The following P4HA2 variants were observed in gnomAD, a reference collection of about 807,000 sequenced individuals.
The protein encoded by P4HA2 is prolyl 4-hydroxylase subunit alpha 2.
In P4HA2, 46 loss-of-function variants were observed where a neutral mutation model predicts 76.9. That is an observed-to-expected ratio of 0.60 (90% CI 0.47 to 0.76). P4HA2 has a LOEUF of 0.76. Ranked by LOEUF, P4HA2 falls within the 30% of genes least tolerant of loss-of-function variation. The probability of loss-of-function intolerance (pLI) is 0.00; values close to 1 mark genes in which losing one functional copy is unlikely to be tolerated. For synonymous variants in P4HA2, 243 were observed against 254.0 expected, an observed-to-expected ratio of 0.96 and a Z score of 0.41; for missense variants, 583 against 669.4, an observed-to-expected ratio of 0.87 and a Z score of 1.42.
rs1561493902 is a variant in P4HA2, at chr5:132,217,855, G to C, written c.83-7C>G. ...ATCAGGTCAGTCATGTGCCCTGCAA[G>C]GGAGAGAAGAAAGACACCAGTGAGA... On this transcript the variant is annotated splice_polypyrimidine_tract_variant and splice_region_variant and intron_variant, in intron 2 of 14. Coordinates refer to ENST00000360568, the MANE Select transcript of P4HA2 (RefSeq NM_001017974.2). 1 of 1,576,830 alleles carries C rather than the reference G, an allele frequency of 6.3e-7. No homozygotes were observed. The highest frequency in any genetic ancestry group is 1.1e-5 in the South Asian group (1 of 88,818).
chr5:132,200,865 G>C (rs1007192064), intron 10 of P4HA2: 10 of 152,212 alleles, frequency 6.6e-5, no homozygotes, highest in Admixed American at 6.5e-4. Context: ...GCGAGAGCTG[G>C]CTCATCTTTT....
rs200362231 is a variant in P4HA2, at chr5:132,217,386, C to T, written c.180-38G>A. 100 of 1,607,654 alleles carry T rather than the reference C, an allele frequency of 6.2e-5. 1 individual carries two copies. Among genetic ancestry groups the T allele is most frequent in the Admixed American group, 1.5e-4 (9 of 59,892 alleles). ...AGGAAAAGGAAGACTAATGCGTCCACCCACATAGGTCTTGACCTGTGACAA... is the reference window on the plus strand; with the variant it reads ...AGGAAAAGGAAGACTAATGCGTCCATCCACATAGGTCTTGACCTGTGACAA... On this transcript the variant is annotated intron_variant, in intron 3 of 14. Coordinates refer to ENST00000360568, the MANE Select transcript of P4HA2 (RefSeq NM_001017974.2).
At chr5:132,225,814 T>C (rs887064519) in intron 1 of P4HA2, among the ~76,000 whole-genome samples, 8 of 152,314 alleles carry the variant, frequency 5.3e-5, no homozygotes, top group Non-Finnish European at 8.8e-5. Context: ...GCCTATCACA[T>C]GCCACAGACA....
At chr5:132,199,081 C>A in intron 10 of P4HA2, 149 bp from the exon 11 acceptor site, 2 of 633,410 alleles carry the variant, frequency 3.2e-6, no homozygotes, top group Non-Finnish European at 5.8e-6. Context: ...CATGCCCTGG[C>A]AGCACAGGCA....
chr5:132,222,388 A>C (rs1485872540), intron 1 of P4HA2, among the ~76,000 whole-genome samples: 1 of 152,010 alleles, frequency 6.6e-6, no homozygotes, highest in Non-Finnish European at 1.5e-5. Flanking sequence ...TATGGGGGGT[A>C]CCCTACTCTC....
At chr5:132,224,071 C>T (rs1253107668) in intron 1 of P4HA2, among the ~76,000 whole-genome samples, 1 of 152,212 alleles carries the variant, frequency 6.6e-6, no homozygotes, top group African/African-American at 2.4e-5. Flanking sequence ...GGGAGGAACG[C>T]AACATGGACC....
intron 2 of P4HA2, among the ~76,000 whole-genome samples, 155 bp downstream of exon 2, chr5:132,218,390 G>A (rs570734180): frequency 6.6e-6 from 1 of 152,284 alleles, no homozygotes; most frequent in South Asian, 2.1e-4. Context: ...ATCTTATAGG[G>A]GAAAACAGCA....
rs912561464 is a variant in P4HA2 at position 132,213,822 on chromosome 5, C to T, written c.469+94G>A. 3.2e-5 allele frequency: 38 copies of T among 1,203,374 alleles called. No individual in the cohort carries two copies. The African/African-American group carries it at 3.3e-4, about 11-fold the overall frequency. The allele number at this position is 1,203,374 out of a possible 1,614,324, so 74.5% of individuals were successfully genotyped here. A position where few individuals can be genotyped will look rare whatever the true frequency, so the allele number is the denominator to read the frequency against. ...CCAAGAGGTGCACCAGAGGTGCACC[C>T]GAGGTTAAAGGCCACAAGTTGGTGG... On this transcript the variant is annotated intron_variant, in intron 5 of 14. Transcript: ENST00000360568.
At position 132,213,959 on chromosome 5, in the gene P4HA2, T is replaced by C. The variant is rs1359746466; in HGVS notation, c.426A>G (p.Thr142=). 1.9e-6 allele frequency: 3 copies of C among 1,614,036 alleles called. No individual in the cohort carries two copies. Among genetic ancestry groups the C allele is most frequent in the African/African-American group, 1.3e-5 (1 of 74,954 alleles). Residue 142 remains threonine (T), a synonymous_variant, in exon 5 of 15, where the codon ACA becomes ACG. Transcript: ENST00000360568. ...AAATTGTGCCTGGGTCCAGCCTGTA[T>C]GTGTCCTGAAGTCTCATCAGGGCTT... ...AAKALMRLQD[T]YRLDPGTISR... is the part of the protein sequence containing the mutation.
chr5:132,191,104 G>C lies in P4HA2; in HGVS notation c.*1906C>G, dbSNP rs976795492. ...GCATCTTCTTGCTGTGTGTTCGCATGGCAGAAAGAGGGCTGGGATCTCTTC... is the reference window on the plus strand; with the variant it reads ...GCATCTTCTTGCTGTGTGTTCGCATCGCAGAAAGAGGGCTGGGATCTCTTC... On this transcript the variant is annotated 3_prime_UTR_variant, in exon 15 of 15. Coordinates refer to ENST00000360568, the MANE Select transcript of P4HA2 (RefSeq NM_001017974.2). 4.6e-5 allele frequency among the ~76,000 whole-genome samples: 7 copies of C among 152,300 alleles called. No homozygotes were observed. Among genetic ancestry groups the C allele is most frequent in the Middle Eastern group, 6.8e-3 (2 of 294 alleles).
chr5:132,199,260 G>A (rs1348047838), intron 10 of P4HA2, among the ~76,000 whole-genome samples: 1 of 152,244 alleles, frequency 6.6e-6, no homozygotes, highest in African/African-American at 2.4e-5. Context: ...CTTGAGGCGG[G>A]CCCTGGCCTG....
At position 132,191,111 on chromosome 5, in the gene P4HA2, A is replaced by G. The variant is rs921865689; in HGVS notation, c.*1899T>C. On this transcript the variant is annotated 3_prime_UTR_variant, in exon 15 of 15. Coordinates refer to ENST00000360568, the MANE Select transcript of P4HA2 (RefSeq NM_001017974.2). ...CTTGCTGTGTGTTCGCATGGCAGAA[A>G]GAGGGCTGGGATCTCTTCATAAGGG... is the stretch of plus-strand genomic sequence containing the variant. Among the ~76,000 whole-genome samples, 2 of 152,338 alleles carry G rather than the reference A, an allele frequency of 1.3e-5. No individual in the cohort carries two copies. The highest frequency in any genetic ancestry group is 2.4e-5 in the African/African-American group (1 of 41,588).
Position 132,218,546 on chromosome 5 carries a change from A to G in P4HA2, c.81T>C (p.Ile27=). 6.2e-7 allele frequency: 1 copy of G among 1,608,962 alleles called. No individual in the cohort carries two copies. Among genetic ancestry groups the G allele is most frequent in the Non-Finnish European group, 8.5e-7 (1 of 1,175,430 alleles). The part of the protein sequence containing the change: ...SCVQAEFFTS[I]GHMTDLIYAE... ...GACGACAGTCCTGTTGGCACGTACCAATAGAGGTGAAGAATTCGGCCTGCA... is the reference window on the plus strand; with the variant it reads ...GACGACAGTCCTGTTGGCACGTACCGATAGAGGTGAAGAATTCGGCCTGCA... The change falls in exon 2 of 15, where the codon ATT becomes ATC. Residue 27 remains isoleucine, a splice_region_variant and synonymous_variant. Coordinates refer to ENST00000360568, the MANE Select transcript of P4HA2 (RefSeq NM_001017974.2).
chr5:132,195,153 G>A (rs1750447851), intron 13 of P4HA2, 131 bp from the exon 14 acceptor site: 1 of 679,680 alleles, frequency 1.5e-6, no homozygotes, highest in African/African-American at 1.8e-5. Flanking sequence ...ATAGGGCTCT[G>A]GGACTCCAGC....
intron 6 of P4HA2, 34 bp downstream of exon 6, chr5:132,210,250 A>G (rs1379281405): frequency 6.2e-7 from 1 of 1,612,546 alleles, no homozygotes; most frequent in Admixed American, 1.7e-5. Context: ...GCCACTCTCC[A>G]TTCCCATCTT....
At chr5:132,208,685 C>A (rs1167007256) in intron 7 of P4HA2, among the ~76,000 whole-genome samples, 1 of 151,890 alleles carries the variant, frequency 6.6e-6, no homozygotes, top group Non-Finnish European at 1.5e-5. Flanking sequence ...ATGGAAAAGG[C>A]TCAGAGCCTG....
intron 5 of P4HA2, 29 bp downstream of exon 5, chr5:132,213,887 G>T (rs1341168653): frequency 6.2e-7 from 1 of 1,611,524 alleles, no homozygotes; most frequent in South Asian, 1.1e-5. Context: ...ACACATGCGG[G>T]ACAGGCAACG....
intron 1 of P4HA2, among the ~76,000 whole-genome samples, chr5:132,225,045 T>C (rs1755166033): frequency 1.2e-5 from 1 of 85,702 alleles, no homozygotes; most frequent in Non-Finnish European, 2.3e-5. Flanking sequence ...TCCTCTGCTC[T>C]GAGGAAAAAA....
At position 132,202,866 on chromosome 5, in the gene P4HA2, C is replaced by T. The variant is rs1751701149; in HGVS notation, c.1251+882G>A. The T allele has an allele frequency of 2.0e-5, 3 of 152,380 alleles. No homozygotes were observed. The South Asian group carries it at 6.2e-4, about 32-fold the overall frequency. 9.4% of individuals were successfully genotyped at this position (152,380 alleles called of 1,614,324 possible). The stretch of plus-strand genomic sequence containing the variant: ...AGGCCTCTCACTTCCACCTACATAT[C>T]ACAGTGTAAGGTCCCCCAGACCCAC... On this transcript the variant is annotated intron_variant, in intron 10 of 14. Coordinates refer to ENST00000360568, the MANE Select transcript of P4HA2 (RefSeq NM_001017974.2).
Sources: gnomAD v4.1 joint callset for allele counts (sites outside exome capture counted in the v4.1 genomes callset) on GRCh38, gnomAD v4.1.1 for gene constraint, MANE v1.5 for transcripts, NCBI Gene and HGNC (gene_info 2026-07-23, HGNC 2026-07-21) for gene names.